The following TNPO1 variants were observed in gnomAD, a reference collection of about 807,000 sequenced individuals.
The protein encoded by TNPO1 is transportin-1.
In TNPO1, 8 loss-of-function variants were observed where a neutral mutation model predicts 119.5. The observed-to-expected ratio is 0.07, with a 90% CI of 0.04 to 0.12. The LOEUF (loss-of-function observed/expected upper bound fraction) is 0.12. Among genes scored for constraint, TNPO1 ranks in the 10% least tolerant of loss-of-function variants. The probability of loss-of-function intolerance (pLI) is 1.00; values close to 1 mark genes in which losing one functional copy is unlikely to be tolerated. For synonymous variants in TNPO1, 362 were observed against 363.0 expected (o/e 1.00, Z 0.03); for missense variants, 576 against 1,089.8 (o/e 0.53, Z 6.64).
At chr5:72,899,697 C>G (rs923361199) in intron 20 of TNPO1, among the ~76,000 whole-genome samples, 21 of 152,072 alleles carry the variant, frequency 1.4e-4, no homozygotes, top group Admixed American at 3.3e-4. Flanking sequence ...CAGAATGATA[C>G]CTTGACACTC....
intron 5 of TNPO1, 122 bp downstream of exon 5, chr5:72,862,036 T>G (rs1746494422): frequency 1.6e-6 from 1 of 628,460 alleles, no homozygotes; most frequent in Admixed American, 2.9e-5. Context: ...CTTAGAAACC[T>G]AAAGTTACCT....
At chr5:72,874,819 T>A (rs1747651026) in intron 7 of TNPO1, among the ~76,000 whole-genome samples, 1 of 152,214 alleles carries the variant, frequency 6.6e-6, no homozygotes, top group African/African-American at 2.4e-5. Flanking sequence ...GTTTTACTGC[T>A]TTTAATACAT....
chr5:72,850,793 C>T (rs1561307619), intron 2 of TNPO1, among the ~76,000 whole-genome samples: 1 of 152,132 alleles, frequency 6.6e-6, no homozygotes, highest in East Asian at 1.9e-4. Flanking sequence ...ACAAATGAGT[C>T]TGAGAAGTAT....
At chr5:72,901,250 T>C (rs1246345909) in intron 22 of TNPO1, among the ~76,000 whole-genome samples, 177 bp downstream of exon 22, 1 of 152,126 alleles carries the variant, frequency 6.6e-6, no homozygotes, top group Non-Finnish European at 1.5e-5. Context: ...TTTTTTTTCC[T>C]AAATTTTTTT....
At chr5:72,875,127 G>A (rs1041561316) in intron 7 of TNPO1, among the ~76,000 whole-genome samples, 5 of 152,172 alleles carry the variant, frequency 3.3e-5, no homozygotes, top group Non-Finnish European at 5.9e-5. Context: ...ACTTGCAGAC[G>A]TAGGGAACAG....
chr5:72,861,441 G>A (rs1367232159), intron 4 of TNPO1, among the ~76,000 whole-genome samples: 3 of 152,162 alleles, frequency 2.0e-5, no homozygotes, highest in Non-Finnish European at 4.4e-5. Flanking sequence ...GTCTCACTCT[G>A]CCCAGGCATG....
At chr5:72,816,821 C>T in intron 1 of TNPO1, 69 bp downstream of exon 1, 2 of 1,518,450 alleles carry the variant, frequency 1.3e-6, no homozygotes, top group Non-Finnish European at 1.8e-6. Flanking sequence ...CGCCGAGCTG[C>T]CTGACGCGCC....
intron 2 of TNPO1, among the ~76,000 whole-genome samples, chr5:72,850,124 AT>A (rs982092855): frequency 1.3e-5 from 2 of 152,118 alleles, no homozygotes; most frequent in Non-Finnish European, 2.9e-5. Context: ...AGAGTGCCTT[AT>A]TTTGTTTCTC....
chr5:72,900,142 C>A, intron 21 of TNPO1, 61 bp downstream of exon 21: 1 of 1,402,106 alleles, frequency 7.1e-7, no homozygotes, highest in Non-Finnish European at 1.0e-6. Flanking sequence ...TTCTCTATCT[C>A]ACTTTTAGAT....
At chr5:72,828,770 A>G (rs1248421509) in intron 1 of TNPO1, among the ~76,000 whole-genome samples, 4 of 151,898 alleles carry the variant, frequency 2.6e-5, no homozygotes, top group Admixed American at 2.6e-4. Context: ...ATTTTATGCT[A>G]TATTTAGTTG....
chr5:72,869,033 A>G (rs1404067403), intron 6 of TNPO1, among the ~76,000 whole-genome samples: 1 of 152,196 alleles, frequency 6.6e-6, no homozygotes, highest in Non-Finnish European at 1.5e-5. Context: ...TTTATAACAT[A>G]TTGCAATGAA....
At chr5:72,899,865 T>C (rs1579935397) in intron 20 of TNPO1, 141 bp from the exon 21 acceptor site, 17 of 635,032 alleles carry the variant, frequency 2.7e-5, no homozygotes, top group East Asian at 2.2e-4. Context: ...TGAAATCTTA[T>C]GTTTATTATC....
chr5:72,853,522 C>G (rs982806326), intron 3 of TNPO1, among the ~76,000 whole-genome samples: 1 of 152,168 alleles, frequency 6.6e-6, no homozygotes, highest in Non-Finnish European at 1.5e-5. Flanking sequence ...AATTACAAAA[C>G]CATAAAATGT....
intron 1 of TNPO1, among the ~76,000 whole-genome samples, chr5:72,818,633 C>A (rs1004104265): frequency 6.6e-6 from 1 of 152,098 alleles, no homozygotes; most frequent in African/African-American, 2.4e-5. Flanking sequence ...CAGAGAGGAG[C>A]ACAGCAGTAA....
At position 72,848,575 on chromosome 5, in the gene TNPO1, C is replaced by T. The variant is rs1580386617; in HGVS notation, c.129+77C>T. 29 of 790,618 alleles carry T rather than the reference C, an allele frequency of 3.7e-5. No homozygotes were observed. In the South Asian group the frequency reaches 9.4e-4, roughly 26 times the overall value. The allele number at this position is 790,618 out of a possible 1,614,324, so 49.0% of individuals were successfully genotyped here. A position where few individuals can be genotyped will look rare whatever the true frequency, so the allele number is the denominator to read the frequency against. On this transcript the variant is annotated intron_variant, in intron 2 of 24. Coordinates refer to ENST00000337273, the MANE Select transcript of TNPO1 (RefSeq NM_002270.4). ...GCCCAGCCCCCGGCGGCCGGGGGCT[C>T]CCGTCGCCTCCGCCTCTGCCCCTCC... is the stretch of plus-strand genomic sequence containing the variant.
At chr5:72,866,914 C>T (rs989739819) in intron 6 of TNPO1, among the ~76,000 whole-genome samples, 3 of 151,904 alleles carry the variant, frequency 2.0e-5, no homozygotes, top group African/African-American at 7.3e-5. Flanking sequence ...AAATATTTCA[C>T]CTAAAATCAC....
intron 22 of TNPO1, among the ~76,000 whole-genome samples, chr5:72,902,179 A>G (rs1484363544): frequency 6.6e-6 from 1 of 152,210 alleles, no homozygotes; most frequent in African/African-American, 2.4e-5. Context: ...ATGCTTTTAT[A>G]GCAATAACTT....
intron 11 of TNPO1, among the ~76,000 whole-genome samples, chr5:72,885,071 A>G (rs1189416698): frequency 6.6e-6 from 1 of 152,236 alleles, no homozygotes; most frequent in Non-Finnish European, 1.5e-5. Context: ...GTTTCCTGTA[A>G]CTAACATTCT....
At chr5:72,902,310 G>A (rs890343517) in intron 22 of TNPO1, among the ~76,000 whole-genome samples, 5 of 151,812 alleles carry the variant, frequency 3.3e-5, no homozygotes, top group Non-Finnish European at 4.4e-5. Flanking sequence ...TTCTTAACTC[G>A]GTTTTAGAAA....
Sources: allele counts gnomAD v4.1 joint callset (sites outside exome capture counted in the v4.1 genomes callset), GRCh38; gene constraint gnomAD v4.1.1; transcripts MANE v1.5; gene names NCBI Gene and HGNC (gene_info 2026-07-23, HGNC 2026-07-21).